Variants in PRIMA1 observed in about 807,000 individuals in gnomAD.
PRIMA1 encodes the protein proline-rich membrane anchor 1.
PRIMA1 carries 7 observed loss-of-function variants against 17.5 expected under a neutral mutation model. The ratio of observed to expected loss-of-function variants is 0.40; its 90% CI spans 0.23 to 0.75. The LOEUF (loss-of-function observed/expected upper bound fraction) is 0.75. Among genes scored for constraint, PRIMA1 ranks in the 30% least tolerant of loss-of-function variants. PRIMA1 has a pLI of 0.37. For synonymous variants in PRIMA1, 97 were observed against 77.9 expected (o/e 1.25, Z -1.29); for missense variants, 200 against 201.8 (o/e 0.99, Z 0.05).
At chr14:93,765,112 C>T (rs1007603973) in intron 3 of PRIMA1, among the ~76,000 whole-genome samples, 2 of 152,046 alleles carry the variant, frequency 1.3e-5, no homozygotes, top group African/African-American at 4.8e-5. Context: ...CTCAATTAAC[C>T]ACTAGTACTT....
intron 3 of PRIMA1, among the ~76,000 whole-genome samples, chr14:93,767,148 G>A (rs956887664): frequency 4.6e-5 from 7 of 152,244 alleles, no homozygotes; most frequent in African/African-American, 1.7e-4. Context: ...GGGGTGGGCA[G>A]ACCAAGAAGG....
intron 4 of PRIMA1, among the ~76,000 whole-genome samples, chr14:93,724,954 G>A (rs1038353413): frequency 1.3e-5 from 2 of 152,124 alleles, no homozygotes; most frequent in African/African-American, 2.4e-5. Flanking sequence ...AAGGTGAGGC[G>A]GTCAGTAGGA....
intron 3 of PRIMA1, among the ~76,000 whole-genome samples, chr14:93,772,953 G>GT (rs1213599436): frequency 3.3e-5 from 5 of 152,178 alleles, no homozygotes; most frequent in African/African-American, 1.2e-4. Context: ...TGTTAACTGG[G>GT]TTCCAGGCTC....
intron 3 of PRIMA1, among the ~76,000 whole-genome samples, chr14:93,756,000 C>G (rs1417334096): frequency 2.0e-5 from 3 of 152,220 alleles, no homozygotes; most frequent in Non-Finnish European, 4.4e-5. Flanking sequence ...CCTTCTCTCC[C>G]TCCCTAGCCT....
chr14:93,761,634 G>A (rs1884730217), intron 3 of PRIMA1, among the ~76,000 whole-genome samples: 1 of 152,114 alleles, frequency 6.6e-6, no homozygotes, highest in Non-Finnish European at 1.5e-5. Flanking sequence ...ACCTTCCTGG[G>A]CATGCCTTCT....
intron 4 of PRIMA1, among the ~76,000 whole-genome samples, chr14:93,725,555 A>G (rs978519239): frequency 2.0e-5 from 3 of 151,966 alleles, no homozygotes; most frequent in Non-Finnish European, 4.4e-5. Context: ...CCCCCGCCCC[A>G]CCATTTTCTG....
At chr14:93,722,902 C>G (rs1014571672) in intron 4 of PRIMA1, among the ~76,000 whole-genome samples, 1 of 150,876 alleles carries the variant, frequency 6.6e-6, no homozygotes, top group African/African-American at 2.4e-5. Flanking sequence ...ACACTTTAAA[C>G]TGAGCCATTT....
At chr14:93,757,222 G>GGAAA (rs1280099799) in intron 3 of PRIMA1, among the ~76,000 whole-genome samples, 1 of 151,990 alleles carries the variant, frequency 6.6e-6, no homozygotes, top group Non-Finnish European at 1.5e-5. Context: ...AAGGAAGGAA[G>GGAAA]GAAGGAAAGA....
In PRIMA1 at chr14:93,738,109, C is replaced by T. The variant is rs182745184; in HGVS notation, c.230-739G>A. Among the ~76,000 whole-genome samples, 537 of 152,244 alleles carry T rather than the reference C, an allele frequency of 3.5e-3. 6 individuals are homozygous for T. Among genetic ancestry groups the T allele is most frequent in the African/African-American group, 0.012 (491 of 41,554 alleles). Reference sequence around the variant, plus strand: ...GTATTTGCCGCTGTCTCAGTTTGCACGGGGGTGGTCAAAATTTGGAAAAGT... The same window carrying T: ...GTATTTGCCGCTGTCTCAGTTTGCATGGGGGTGGTCAAAATTTGGAAAAGT... On this transcript the variant is annotated intron_variant, in intron 3 of 4. Transcript: ENST00000393140.
At position 93,726,174 on chromosome 14, in the gene PRIMA1, C is replaced by T. The variant is rs2076074555; in HGVS notation, c.360-4628G>A. 6.6e-6 allele frequency among the ~76,000 whole-genome samples: 1 copy of T among 152,186 alleles called. No individual in the cohort carries two copies. The highest frequency in any genetic ancestry group is 6.5e-5 in the Admixed American group (1 of 15,284). On this transcript the variant is annotated intron_variant, in intron 4 of 4. Transcript: ENST00000393140. This position sits in a 1 kb window ranked among gnomAD's most constrained non-coding sequence, Gnocchi z 4.2. ...CGGAGTGCCGCGCGGACAGCTCCAG[C>T]CGCACATGCCAGCAGCCACGAGGGG...
chr14:93,763,678 A>T (rs2141181742), intron 3 of PRIMA1, among the ~76,000 whole-genome samples: 1 of 152,196 alleles, frequency 6.6e-6, no homozygotes, highest in East Asian at 1.9e-4. Flanking sequence ...CCGTCTGCTA[A>T]TCGGTGAGCA....
chr14:93,775,665 T>C (rs1016127093), intron 3 of PRIMA1, among the ~76,000 whole-genome samples: 7 of 152,182 alleles, frequency 4.6e-5, no homozygotes, highest in African/African-American at 1.7e-4. Context: ...GTGTGCAGGG[T>C]TCTGGGCTGA....
chr14:93,777,609 T>C (rs963643461), intron 3 of PRIMA1, among the ~76,000 whole-genome samples: 7 of 152,226 alleles, frequency 4.6e-5, no homozygotes, highest in African/African-American at 1.7e-4. Flanking sequence ...GTGCTGGGAT[T>C]ACAGGCATGA....
At chr14:93,733,931 C>A (rs755094111) in intron 4 of PRIMA1, among the ~76,000 whole-genome samples, 7 of 152,122 alleles carry the variant, frequency 4.6e-5, no homozygotes, top group Admixed American at 4.6e-4. Flanking sequence ...GCTCTGTAGG[C>A]GGGGTTGCAG....
intron 2 of PRIMA1, among the ~76,000 whole-genome samples, chr14:93,783,974 G>T (rs949061449): frequency 6.6e-6 from 1 of 151,322 alleles, no homozygotes; most frequent in Non-Finnish European, 1.5e-5. Flanking sequence ...TCCAGCAGAC[G>T]TTGCCTCCTA....
At chr14:93,742,259 G>T (rs2076188830) in intron 3 of PRIMA1, among the ~76,000 whole-genome samples, 1 of 152,220 alleles carries the variant, frequency 6.6e-6, no homozygotes, top group Admixed American at 6.5e-5. Flanking sequence ...TCACTGCCTT[G>T]AGAGAGTTTC....
chr14:93,760,259 C>T (rs2141179343), intron 3 of PRIMA1, among the ~76,000 whole-genome samples: 1 of 152,306 alleles, frequency 6.6e-6, no homozygotes, highest in East Asian at 1.9e-4. Flanking sequence ...ATTCATTGTC[C>T]TACCTCGACT....
chr14:93,731,583 C>A (rs8021433), intron 4 of PRIMA1, among the ~76,000 whole-genome samples: 15,227 of 152,286 alleles, frequency 0.1, 1,286 homozygotes, highest in East Asian at 0.24. Context: ...AAGGCATGCA[C>A]AACATGCCTG....
intron 3 of PRIMA1, among the ~76,000 whole-genome samples, chr14:93,748,127 CATGAGTGTGA>C (rs754720228): frequency 2.7e-4 from 41 of 151,792 alleles, no homozygotes; most frequent in Non-Finnish European, 4.7e-4. Context: ...AATGAGTGTG[CATGAGTGTGA>C]GAGACTGTGT....
Sources: allele counts gnomAD v4.1 joint callset (sites outside exome capture counted in the v4.1 genomes callset), GRCh38; gene constraint gnomAD v4.1.1; non-coding constraint Gnocchi (gnomAD v3.1); transcripts MANE v1.5; gene names NCBI Gene and HGNC (gene_info 2026-07-23, HGNC 2026-07-21).